The following CHTF18 variants were observed in gnomAD, a reference collection of about 807,000 sequenced individuals.
CHTF18 encodes chromosome transmission fidelity factor 18.
A neutral mutation model predicts 113.4 loss-of-function variants in CHTF18; 151 were observed. The ratio of observed to expected loss-of-function variants is 1.33; its 90% CI spans 1.17 to 1.52. The LOEUF is 1.52. Ranked by LOEUF, CHTF18 falls within the 40% of genes most tolerant of loss-of-function variation. The probability of loss-of-function intolerance (pLI) is 0.00; values close to 1 mark genes in which losing one functional copy is unlikely to be tolerated. For missense variants in CHTF18, 1,982 were observed against 1,381.6 expected (o/e 1.43, Z -6.89); for synonymous variants, 916 against 598.8 (o/e 1.53, Z -7.74).
Position 791,944 on chromosome 16 carries a change from G to T in CHTF18, c.1198G>T (p.Ala400Ser). Residue 400 changes from alanine (A) to serine (S), a missense_variant, in exon 9 of 22, where the codon GCC (alanine) becomes TCC (serine). By Grantham distance (99) the Ala-to-Ser change is moderately conservative. Coordinates refer to ENST00000262315, the MANE Select transcript of CHTF18 (RefSeq NM_022092.3). ...GGGGTACTCTGTGGTGGAGATGAAC[G>T]CCAGGTGAGTGATGTGAGGTCCGTC... ...HAGYSVVEMN[A>S]SDDRSPEVFR... 6.2e-7 allele frequency: 1 copy of T among 1,606,896 alleles called. No individual in the cohort carries two copies. The highest frequency in any genetic ancestry group is 1.1e-5 in the South Asian group (1 of 89,612).
chr16:794,140 A>T lies in CHTF18; in HGVS notation c.1889A>T (p.Gln630Leu), dbSNP rs371332374. The change falls in exon 15 of 22, where the codon CAG (glutamine) becomes CTG (leucine). Residue 630 changes from glutamine to leucine, a missense_variant. Physicochemically the swap from Gln to Leu is moderately radical, Grantham distance 113 (BLOSUM62 -2). Coordinates refer to ENST00000262315, the MANE Select transcript of CHTF18 (RefSeq NM_022092.3). ...GCGGGCTCCCTCACCTCCGCCTCAC[A>T]GCGATTCTACCGTGTCCTGCATGCC... ...GDAGSLTSAS[Q>L]RFYRVLHAAA... 6.2e-7 allele frequency: 1 copy of T among 1,612,258 alleles called. No individual in the cohort carries two copies. The highest frequency in any genetic ancestry group is 8.5e-7 in the Non-Finnish European group (1 of 1,179,728).
intron 15 of CHTF18, 125 bp from the exon 16 acceptor site, chr16:795,007 T>C: frequency 1.3e-6 from 1 of 744,324 alleles, no homozygotes; most frequent in Non-Finnish European, 2.2e-6. Flanking sequence ...TTGTGGAGGG[T>C]CTGCGAAGCC....
chr16:792,191 C>T (rs1456955688), intron 9 of CHTF18, 33 bp from the exon 10 acceptor site: 2 of 1,555,020 alleles, frequency 1.3e-6, no homozygotes, highest in African/African-American at 1.4e-5. Flanking sequence ...GGGACGCCCA[C>T]TGCCCTGACG....
At chr16:795,920 C>A in intron 17 of CHTF18, 27 bp from the exon 18 acceptor site, 1 of 1,602,760 alleles carries the variant, frequency 6.2e-7, no homozygotes. Flanking sequence ...CTGCTCAGCT[C>A]CCTGTCTGCT....
In CHTF18 at chr16:797,079, C is replaced by A. The variant is rs1028535233; in HGVS notation, c.2720C>A (p.Ala907Asp). ...QRLEHIMRRAAREEQPEKDFF... is the reference protein window; with the variant it reads ...QRLEHIMRRADREEQPEKDFF... Reference sequence around the variant, plus strand: ...CTGGAGCACATCATGAGGCGAGCGGCCCGGGAGGAACAGGTGTGGAATGGG... The same window carrying A: ...CTGGAGCACATCATGAGGCGAGCGGACCGGGAGGAACAGGTGTGGAATGGG... Residue 907 changes from alanine to aspartate, a missense_variant, in exon 20 of 22, where the codon GCC (alanine) becomes GAC (aspartate). Physicochemically the swap from Ala to Asp is moderately radical, Grantham distance 126. Coordinates refer to ENST00000262315, the MANE Select transcript of CHTF18 (RefSeq NM_022092.3). The A allele has an allele frequency of 1.3e-6, 2 of 1,529,628 alleles. No homozygotes were observed. Among genetic ancestry groups the A allele is most frequent in the Non-Finnish European group, 1.8e-6 (2 of 1,141,436 alleles). 94.8% of individuals were successfully genotyped at this position (1,529,628 alleles called of 1,614,324 possible).
At position 792,539 on chromosome 16, in the gene CHTF18, G is replaced by A. The variant is rs753573811; in HGVS notation, c.1427G>A (p.Arg476Gln). 1.0e-5 allele frequency: 16 copies of A among 1,596,520 alleles called. No homozygotes were observed. The highest frequency in any genetic ancestry group is 5.5e-5 in the Admixed American group (3 of 54,494). The change falls in exon 11 of 22, where the codon CGG becomes CAG. Residue 476 changes from arginine (R) to glutamine (Q), a missense_variant. Transcript: ENST00000262315. ...CCTTCGGGAGGCGGCCGACGGCGCC[G>A]GGCAGAGGGGGGGCTCCTCATGAGG... ...AVPSGGGRRR[R>Q]AEGGLLMRPI...
chr16:793,630 C>T, intron 14 of CHTF18: 1 of 522,688 alleles, frequency 1.9e-6, no homozygotes, highest in South Asian at 2.0e-5. Context: ...CCCCTGCCTG[C>T]CCACACTGCT....
At position 791,966 on chromosome 16, in the gene CHTF18, C is replaced by T. The variant is rs742319; in HGVS notation, c.1202+18C>T. The T allele has an allele frequency of 0.16, 259,114 of 1,596,460 alleles. 21,919 individuals are homozygous for T. Among genetic ancestry groups the T allele is most frequent in the East Asian group, 0.26 (11,293 of 44,088 alleles). ...AACGCCAGGTGAGTGATGTGAGGTC[C>T]GTCTCTGGCTCGCCTTCTGTCCTGA... On this transcript the variant is annotated intron_variant, in intron 9 of 21. Coordinates refer to ENST00000262315, the MANE Select transcript of CHTF18 (RefSeq NM_022092.3).
chr16:795,964 C>T lies in CHTF18; in HGVS notation c.2343C>T (p.Tyr781=), dbSNP rs746651988. Residue 781 remains tyrosine (Y), a synonymous_variant, in exon 18 of 22, where the codon TAC becomes TAT. Transcript: ENST00000262315. Reference sequence around the variant, plus strand: ...TCCCCTAGGTGAGCACACAGCTGTACAGCACCCGTGAAAAGCAACAGCTGG... The same window carrying T: ...TCCCCTAGGTGAGCACACAGCTGTATAGCACCCGTGAAAAGCAACAGCTGG... ...PKLRPVSTQL[Y]STREKQQLAS... 1.9e-6 allele frequency: 3 copies of T among 1,609,586 alleles called. No homozygotes were observed. The highest frequency in any genetic ancestry group is 1.7e-6 in the Non-Finnish European group (2 of 1,178,624).
rs2042220935 is a variant in CHTF18 at position 792,358 on chromosome 16, T to G, written c.1326+11T>G. On this transcript the variant is annotated intron_variant, in intron 10 of 21. Transcript: ENST00000262315. ...GACGGGGCCCCCGTGGTGGGCTCCT[T>G]GATGCCTGGGTAGGTGGGTGGGCGG... 1 of 1,557,502 alleles carries G rather than the reference T, an allele frequency of 6.4e-7. No individual in the cohort carries two copies. The highest frequency in any genetic ancestry group is 1.9e-5 in the Admixed American group (1 of 51,644).
At position 789,500 on chromosome 16, in the gene CHTF18, T is replaced by C. The variant is rs750578361; in HGVS notation, c.438-47T>C. The stretch of plus-strand genomic sequence containing the variant: ...AGTCTCGGACACCCATATCCAAGGG[T>C]GACCCCACGCTTGAGTTTCTGCCAC... On this transcript the variant is annotated intron_variant, in intron 3 of 21. Coordinates refer to ENST00000262315, the MANE Select transcript of CHTF18 (RefSeq NM_022092.3). 26 of 1,558,370 alleles carry C rather than the reference T, an allele frequency of 1.7e-5. 1 individual carries two copies. The South Asian group carries it at 2.8e-4, about 17-fold the overall frequency.
chr16:795,310 C>G lies in CHTF18; in HGVS notation c.2129C>G (p.Ala710Gly). The change falls in exon 16 of 22, where the codon GCT (alanine) becomes GGT (glycine). Residue 710 changes from alanine to glycine, a missense_variant. Transcript: ENST00000262315. Reference sequence around the variant, plus strand: ...CCCGTGGCCTTCCATGTGCTGTTTGCTTCCAGCCACACACCCAGGATCACC... The same window carrying G: ...CCCGTGGCCTTCCATGTGCTGTTTGGTTCCAGCCACACACCCAGGATCACC... ...FLPVAFHVLF[A>G]SSHTPRITFP... The G allele has an allele frequency of 6.5e-7, 1 of 1,548,554 alleles. No homozygotes were observed.
In CHTF18 at chr16:793,527, A is replaced by G. The variant is rs568982887; in HGVS notation, c.1802+253A>G. On this transcript the variant is annotated intron_variant, in intron 14 of 21. Coordinates refer to ENST00000262315, the MANE Select transcript of CHTF18 (RefSeq NM_022092.3). ...ACACCCCCAGTGTGGTGGGGCCTCCAGGGCGTCCCTCTCCAGGGCGCCCCT... is the reference window on the plus strand; with the variant it reads ...ACACCCCCAGTGTGGTGGGGCCTCCGGGGCGTCCCTCTCCAGGGCGCCCCT... 193 of 592,940 alleles carry G rather than the reference A, an allele frequency of 3.3e-4. 1 individual carries two copies. Among genetic ancestry groups the G allele is most frequent in the African/African-American group, 3.2e-3 (170 of 53,770 alleles). 36.7% of individuals were successfully genotyped at this position (592,940 alleles called of 1,614,324 possible). A position where few individuals can be genotyped will look rare whatever the true frequency, so the allele number is the denominator to read the frequency against.
In CHTF18 at chr16:788,957, G is replaced by A. The variant is rs780800544; in HGVS notation, c.118G>A (p.Val40Ile). ...EGASTPSPSG[V>I]PLFTAGRPPR... ...GGCGTCGACTCCGTCGCCCTCCGGG[G>A]TCCCCCTGTTCACCGCGGGCCGACC... is the stretch of plus-strand genomic sequence containing the variant. The change falls in exon 2 of 22, where the codon GTC becomes ATC. Residue 40 changes from valine (V) to isoleucine (I), a missense_variant. Coordinates refer to ENST00000262315, the MANE Select transcript of CHTF18 (RefSeq NM_022092.3). 2 of 1,566,824 alleles carry A rather than the reference G, an allele frequency of 1.3e-6. No homozygotes were observed. The highest frequency in any genetic ancestry group is 1.1e-5 in the South Asian group (1 of 87,690).
Position 793,281 on chromosome 16 carries a change from G to T in CHTF18, c.1802+7G>T, listed in dbSNP as rs766335670. On this transcript the variant is annotated splice_region_variant and intron_variant, in intron 14 of 21. Transcript: ENST00000262315. ...AGCTGCCTCGAGCCCAGAGGTAGGC[G>T]GTGGCCACAGCCTCGGCCCAGATGC... is the stretch of plus-strand genomic sequence containing the variant. 1 of 1,605,538 alleles carries T rather than the reference G, an allele frequency of 6.2e-7. No individual in the cohort carries two copies. The highest frequency in any genetic ancestry group is 1.1e-5 in the South Asian group (1 of 89,912).
intron 8 of CHTF18, 57 bp from the exon 9 acceptor site, chr16:791,794 G>A (rs1208066038): frequency 3.6e-5 from 55 of 1,540,728 alleles, no homozygotes; most frequent in South Asian, 2.6e-4. Flanking sequence ...TGGCTGCTAG[G>A]CCGGGAGCGT....
Position 791,899 on chromosome 16 carries a change from C to A in CHTF18, c.1153C>A (p.His385Asn). 5 of 1,609,976 alleles carry A rather than the reference C, an allele frequency of 3.1e-6. No individual in the cohort carries two copies. The highest frequency in any genetic ancestry group is 1.3e-5 in the African/African-American group (1 of 75,008). The part of the protein sequence containing the change: ...PPGLGKTTLA[H>N]VIARHAGYSV... The stretch of plus-strand genomic sequence containing the variant: ...GGGGCTGGGGAAGACCACCCTGGCA[C>A]ACGTGATTGCGCGTCACGCGGGGTA... Residue 385 changes from histidine (H) to asparagine (N), a missense_variant, in exon 9 of 22, where the codon CAC (histidine) becomes AAC (asparagine). Coordinates refer to ENST00000262315, the MANE Select transcript of CHTF18 (RefSeq NM_022092.3).
In CHTF18 at chr16:794,130, T is replaced by A; in HGVS notation, c.1879T>A (p.Ser627Thr). 1 of 1,612,380 alleles carries A rather than the reference T, an allele frequency of 6.2e-7. No homozygotes were observed. ...LGDGDAGSLT[S>T]ASQRFYRVLH... ...TGACGGGGACGCGGGCTCCCTCACCTCCGCCTCACAGCGATTCTACCGTGT... is the reference window on the plus strand; with the variant it reads ...TGACGGGGACGCGGGCTCCCTCACCACCGCCTCACAGCGATTCTACCGTGT... The change falls in exon 15 of 22, where the codon TCC (serine) becomes ACC (threonine). Residue 627 changes from serine to threonine, a missense_variant. Transcript: ENST00000262315.
Position 796,971 on chromosome 16 carries a change from GC to G in CHTF18, c.2618del (p.Pro873GlnfsTer31). 6.6e-7 allele frequency: 1 copy of G among 1,524,160 alleles called. No individual in the cohort carries two copies. Among genetic ancestry groups the G allele is most frequent in the Non-Finnish European group, 8.8e-7 (1 of 1,134,388 alleles). The allele number at this position is 1,524,160 out of a possible 1,614,324, so 94.4% of individuals were successfully genotyped here. ...RVENSPQVDG[S>X]PPGLEGLLGG... is the part of the protein sequence containing the mutation. The stretch of plus-strand genomic sequence containing the variant: ...GCCTGCTCCCTACAGGTGGATGGGA[GC>G]CCCCCAGGGCTCGAGGGTCTGCTGG... On this transcript the variant is annotated frameshift_variant, in exon 20 of 22. Transcript: ENST00000262315. LOFTEE classifies it high-confidence loss of function.
Sources: allele counts gnomAD v4.1 joint callset, GRCh38; gene constraint gnomAD v4.1.1; transcripts MANE v1.5; gene names NCBI Gene and HGNC (gene_info 2026-07-23, HGNC 2026-07-21).